The following DLGAP1 variants were observed in gnomAD, a reference collection of about 807,000 sequenced individuals.
DLGAP1 encodes the protein DLG associated protein 1.
In DLGAP1, 11 loss-of-function variants were observed where a neutral mutation model predicts 90.8. The observed-to-expected ratio is 0.12, with a 90% CI of 0.08 to 0.20. DLGAP1 has a LOEUF of 0.20. DLGAP1 is among the 10% of genes least tolerant of loss of function. DLGAP1 has a pLI of 1.00. For synonymous variants in DLGAP1, 558 were observed against 540.7 expected (o/e 1.03, Z -0.44); for missense variants, 1,050 against 1,333.8 (o/e 0.79, Z 3.31).
At chr18:3,862,154 C>A (rs938886853) in intron 4 of DLGAP1, among the ~76,000 whole-genome samples, 3 of 152,136 alleles carry the variant, frequency 2.0e-5, no homozygotes, top group Non-Finnish European at 4.4e-5. Flanking sequence ...TCCCTTTGGC[C>A]AAAGGCATAA....
At chr18:3,611,929 A>G (rs2057653575) in intron 7 of DLGAP1, among the ~76,000 whole-genome samples, 1 of 152,264 alleles carries the variant, frequency 6.6e-6, no homozygotes, top group Admixed American at 6.5e-5. Context: ...GCTCTGCTGC[A>G]GACCCCTCAA....
intron 3 of DLGAP1, among the ~76,000 whole-genome samples, chr18:3,897,575 G>A (rs986495370): frequency 6.6e-6 from 1 of 152,044 alleles, no homozygotes; most frequent in African/African-American, 2.4e-5. Flanking sequence ...TGTTGATGAT[G>A]GTATCATGTC....
In DLGAP1 at chr18:4,336,601, A is replaced by G. The variant is rs530302444; in HGVS notation, c.-267+118405T>C. On this transcript the variant is annotated intron_variant, in intron 1 of 12. Transcript: ENST00000315677. ...ACCAAAGCTTCTGTTCCTTCTATCA[A>G]AATGGTCCTGTGGCATCTAATCTTA... is the stretch of plus-strand genomic sequence containing the variant. Among the ~76,000 whole-genome samples, 5 of 152,288 alleles carry G rather than the reference A, an allele frequency of 3.3e-5. No homozygotes were observed. In the East Asian group the frequency reaches 9.6e-4, roughly 29 times the overall value.
chr18:3,784,667 G>A (rs973311055), intron 5 of DLGAP1, among the ~76,000 whole-genome samples: 10 of 152,156 alleles, frequency 6.6e-5, no homozygotes, highest in African/African-American at 2.4e-4. Context: ...TGCTCCTGAC[G>A]AGGAAAAAAG....
intron 4 of DLGAP1, among the ~76,000 whole-genome samples, chr18:3,835,967 T>C (rs945349436): frequency 2.0e-5 from 3 of 152,214 alleles, no homozygotes; most frequent in Non-Finnish European, 4.4e-5. Context: ...ATGTTGACTA[T>C]ATTTAACTTG....
At chr18:3,756,405 A>G (rs1378135179) in intron 5 of DLGAP1, among the ~76,000 whole-genome samples, 1 of 152,144 alleles carries the variant, frequency 6.6e-6, no homozygotes, top group African/African-American at 2.4e-5. Flanking sequence ...GGGAAATTAC[A>G]AAGTATTTTG....
At chr18:4,139,186 A>G (rs1162725010) in intron 2 of DLGAP1, among the ~76,000 whole-genome samples, 4 of 151,078 alleles carry the variant, frequency 2.6e-5, no homozygotes, top group African/African-American at 9.7e-5. Context: ...GTTTGCTCTC[A>G]CTTTTCTAGT....
At chr18:3,736,792 G>T (rs923636188) in intron 6 of DLGAP1, among the ~76,000 whole-genome samples, 3 of 151,684 alleles carry the variant, frequency 2.0e-5, no homozygotes, top group East Asian at 1.9e-4. Context: ...GAAGGAAATA[G>T]AGACACAAAA....
At chr18:3,584,021 T>C (rs1176585996) in intron 7 of DLGAP1, among the ~76,000 whole-genome samples, 2 of 152,144 alleles carry the variant, frequency 1.3e-5, no homozygotes, top group Non-Finnish European at 2.9e-5. Flanking sequence ...CAAGGTCTAT[T>C]TGGAGGCTCC....
At chr18:3,989,746 T>C (rs2073922580) in intron 3 of DLGAP1, among the ~76,000 whole-genome samples, 1 of 152,164 alleles carries the variant, frequency 6.6e-6, no homozygotes, top group African/African-American at 2.4e-5. Flanking sequence ...GACAAAGGGC[T>C]AATATCCAGA....
At chr18:4,406,635 T>C (rs555691655) in intron 1 of DLGAP1, among the ~76,000 whole-genome samples, 8 of 152,182 alleles carry the variant, frequency 5.3e-5, no homozygotes, top group Non-Finnish European at 1.0e-4. Context: ...CATAAGTAGA[T>C]ATCCTTTTTT....
chr18:4,339,151 CTGAGT>C lies in DLGAP1; in HGVS notation c.-267+115850_-267+115854del, dbSNP rs534340250. Among the ~76,000 whole-genome samples, 137 of 152,290 alleles carry C rather than the reference CTGAGT, an allele frequency of 9.0e-4. 1 individual carries two copies. The South Asian group carries it at 9.9e-3, about 11-fold the overall frequency. On this transcript the variant is annotated intron_variant, in intron 1 of 12. Transcript: ENST00000315677. ...ATGAATTATTGACTCTTTCAGTCTA[CTGAGT>C]TAAGTCAGGACCAAGTTTTCATCTA...
chr18:4,059,460 C>T (rs1044780680), intron 2 of DLGAP1, among the ~76,000 whole-genome samples: 1 of 152,204 alleles, frequency 6.6e-6, no homozygotes, highest in Non-Finnish European at 1.5e-5. Flanking sequence ...GCCGCCGCAC[C>T]TGGCACTTTG....
At chr18:3,508,547 T>G in intron 11 of DLGAP1, 23 bp downstream of exon 11, 3 of 1,565,726 alleles carry the variant, frequency 1.9e-6, no homozygotes. Flanking sequence ...GCAGGGAAAT[T>G]GTAGAAGGAG....
At chr18:3,915,699 T>C (rs1370263792) in intron 3 of DLGAP1, among the ~76,000 whole-genome samples, 1 of 152,228 alleles carries the variant, frequency 6.6e-6, no homozygotes, top group East Asian at 1.9e-4. Context: ...GAACAAGCTA[T>C]TTCTGAAATA....
intron 1 of DLGAP1, among the ~76,000 whole-genome samples, chr18:4,381,567 T>A (rs2082120026): frequency 6.6e-6 from 1 of 152,184 alleles, no homozygotes; most frequent in South Asian, 2.1e-4. Context: ...GTCCTGCTTT[T>A]CCTTTCTGTT....
intron 1 of DLGAP1, among the ~76,000 whole-genome samples, chr18:4,256,234 CACAA>C (rs1456419848): frequency 1.3e-5 from 2 of 152,128 alleles, no homozygotes; most frequent in African/African-American, 2.4e-5. Context: ...CAAACACACA[CACAA>C]ACAAACAAAA....
chr18:4,169,821 C>T (rs547916574), intron 1 of DLGAP1, among the ~76,000 whole-genome samples: 2 of 152,180 alleles, frequency 1.3e-5, no homozygotes, highest in African/African-American at 4.8e-5. Context: ...TGACTTAACC[C>T]TTTATAAGAC....
At chr18:3,737,431 A>C (rs1323715989) in intron 6 of DLGAP1, among the ~76,000 whole-genome samples, 1 of 138,530 alleles carries the variant, frequency 7.2e-6, no homozygotes, top group Admixed American at 7.4e-5. Context: ...CACCATGATC[A>C]AGTGGGCTTC....
Sources: allele counts gnomAD v4.1 joint callset (sites outside exome capture counted in the v4.1 genomes callset), GRCh38; gene constraint gnomAD v4.1.1; transcripts MANE v1.5; gene names NCBI Gene and HGNC (gene_info 2026-07-23, HGNC 2026-07-21).